MSH3: variants seen among roughly 807,000 people sequenced by gnomAD.
MSH3 encodes mutS homolog 3.
A neutral mutation model predicts 123.3 loss-of-function variants in MSH3; 106 were observed. The ratio of observed to expected loss-of-function variants is 0.86; its 90% confidence interval spans 0.73 to 1.01. The LOEUF (loss-of-function observed/expected upper bound fraction) is 1.01. MSH3 is among the 50% of genes least tolerant of loss of function. The pLI is 0.00. For missense variants in MSH3, 1,459 were observed against 1,347.6 expected (o/e 1.08, Z -1.29); for synonymous variants, 515 against 481.4 (o/e 1.07, Z -0.91).
At chr5:80,729,430 A>AATGTGTGTGTG (rs1491210653) in intron 10 of MSH3, among the ~76,000 whole-genome samples, 4 of 78,374 alleles carry the variant, frequency 5.1e-5, no homozygotes, top group African/African-American at 1.1e-4. Flanking sequence ...AAAAAAAAAA[A>AATGTGTGTGTG]TGTGTGTGTG....
intron 15 of MSH3, among the ~76,000 whole-genome samples, chr5:80,769,935 T>C (rs1744188530): frequency 6.6e-6 from 1 of 152,194 alleles, no homozygotes; most frequent in Admixed American, 6.5e-5. Flanking sequence ...TTATTAGTCT[T>C]GTGTTATTTC....
chr5:80,725,371 TTCC>T (rs1743263566), intron 8 of MSH3, 79 bp from the exon 9 acceptor site: 1 of 884,076 alleles, frequency 1.1e-6, no homozygotes, highest in South Asian at 1.5e-5. Context: ...TCTTTTTTTT[TTCC>T]TCTTCTGGCC....
intron 7 of MSH3, among the ~76,000 whole-genome samples, chr5:80,677,117 G>A (rs1749858087): frequency 6.6e-6 from 1 of 152,150 alleles, no homozygotes; most frequent in Non-Finnish European, 1.5e-5. Context: ...CAAACTCAGT[G>A]TGGCCAAAAT....
In MSH3 at chr5:80,768,055, A is replaced by G. The variant is rs1438627011; in HGVS notation, c.2019A>G (p.Leu673=). The change falls in exon 14 of 24, where the codon TTA becomes TTG. Residue 673 remains leucine (L), a synonymous_variant. Transcript: ENST00000265081. Reference sequence around the variant, plus strand: ...CAGACTTGCTCCGGACCGTTATTTTAGAAATTCCTGAACTCCTCAGTCCAG... The same window carrying G: ...CAGACTTGCTCCGGACCGTTATTTTGGAAATTCCTGAACTCCTCAGTCCAG... The part of the protein sequence containing the change: ...IQSDLLRTVI[L]EIPELLSPVE... The G allele has an allele frequency of 6.2e-7, 1 of 1,613,854 alleles. No individual in the cohort carries two copies. Among genetic ancestry groups the G allele is most frequent in the Admixed American group, 1.7e-5 (1 of 60,024 alleles).
intron 8 of MSH3, among the ~76,000 whole-genome samples, chr5:80,720,595 C>T (rs1193518181): frequency 1.3e-5 from 2 of 151,990 alleles, no homozygotes; most frequent in African/African-American, 4.8e-5. Flanking sequence ...CCGTTGATTT[C>T]TGAGTTTTTC....
chr5:80,749,550 C>T (rs1743794115), intron 12 of MSH3, among the ~76,000 whole-genome samples: 2 of 152,064 alleles, frequency 1.3e-5, no homozygotes, highest in South Asian at 4.2e-4. Flanking sequence ...ACAGATACAC[C>T]CAGGAACAAT....
intron 19 of MSH3, among the ~76,000 whole-genome samples, chr5:80,795,682 TC>T (rs763450026): frequency 2.6e-5 from 4 of 152,190 alleles, no homozygotes; most frequent in Non-Finnish European, 4.4e-5. Flanking sequence ...ACTTGTTCAT[TC>T]TTTTTTAGGA....
chr5:80,706,830 C>T (rs1750734616), intron 8 of MSH3, among the ~76,000 whole-genome samples: 1 of 152,084 alleles, frequency 6.6e-6, no homozygotes. Context: ...GTATAAATTA[C>T]ATACGGCAAA....
chr5:80,839,361 C>T (rs936425693), intron 20 of MSH3, among the ~76,000 whole-genome samples: 3 of 152,150 alleles, frequency 2.0e-5, no homozygotes, highest in African/African-American at 4.8e-5. Flanking sequence ...GAGTGAGACT[C>T]TGTCTCAATA....
chr5:80,747,457 T>C (rs887734440), intron 12 of MSH3, among the ~76,000 whole-genome samples: 1 of 152,186 alleles, frequency 6.6e-6, no homozygotes, highest in Non-Finnish European at 1.5e-5. Flanking sequence ...GACCTAACAC[T>C]GATGTTAGCC....
intron 20 of MSH3, among the ~76,000 whole-genome samples, chr5:80,826,766 C>T (rs1394560012): frequency 6.6e-6 from 1 of 152,100 alleles, no homozygotes; most frequent in African/African-American, 2.4e-5. Flanking sequence ...GCAAGCTGGT[C>T]TCGAACTCCT....
chr5:80,765,881 G>A (rs1311500034), intron 13 of MSH3, among the ~76,000 whole-genome samples: 1 of 152,178 alleles, frequency 6.6e-6, no homozygotes, highest in Non-Finnish European at 1.5e-5. Flanking sequence ...ATGTCTGAAA[G>A]TGGTTTTTTT....
At chr5:80,744,309 T>C (rs994110621) in intron 11 of MSH3, among the ~76,000 whole-genome samples, 197 bp from the exon 12 acceptor site, 2 of 152,210 alleles carry the variant, frequency 1.3e-5, no homozygotes, top group Non-Finnish European at 2.9e-5. Context: ...CCAAAAACTA[T>C]AAACGATCCC....
At chr5:80,864,716 G>A in intron 21 of MSH3, 97 bp from the exon 22 acceptor site, 1 of 1,078,616 alleles carries the variant, frequency 9.3e-7, no homozygotes, top group Non-Finnish European at 1.4e-6. Flanking sequence ...GTGACTTTTA[G>A]GAAGATTTAA....
intron 22 of MSH3, among the ~76,000 whole-genome samples, chr5:80,870,791 TAAAAG>T (rs768084216): frequency 6.6e-5 from 10 of 152,182 alleles, no homozygotes; most frequent in Non-Finnish European, 1.0e-4. Flanking sequence ...TTTTCACTGA[TAAAAG>T]AAGAAAAGCA....
chr5:80,826,700 C>T (rs928553923), intron 20 of MSH3, among the ~76,000 whole-genome samples: 30 of 152,074 alleles, frequency 2.0e-4, no homozygotes, highest in Admixed American at 1.3e-3. Flanking sequence ...AGGCATGTGC[C>T]ACCACGCCCA....
intron 19 of MSH3, among the ~76,000 whole-genome samples, chr5:80,800,713 T>C (rs182723841): frequency 6.5e-4 from 99 of 152,314 alleles, no homozygotes; most frequent in African/African-American, 2.3e-3. Flanking sequence ...GTGTATTACA[T>C]TCATCTCTTT....
chr5:80,716,271 A>T (rs955923648), intron 8 of MSH3, among the ~76,000 whole-genome samples: 2 of 152,224 alleles, frequency 1.3e-5, no homozygotes, highest in African/African-American at 4.8e-5. Context: ...TCTTTATTAG[A>T]TAGAAAATTC....
intron 12 of MSH3, among the ~76,000 whole-genome samples, chr5:80,753,242 A>G (rs1484525588): frequency 6.6e-6 from 1 of 152,162 alleles, no homozygotes; most frequent in Non-Finnish European, 1.5e-5. Context: ...GACAGAAGAC[A>G]GCCATCAGAT....
Sources: allele counts gnomAD v4.1 joint callset (sites outside exome capture counted in the v4.1 genomes callset), GRCh38; gene constraint gnomAD v4.1.1; transcripts MANE v1.5; gene names NCBI Gene and HGNC (gene_info 2026-07-23, HGNC 2026-07-21).